GALNT17: variants seen among roughly 807,000 people sequenced by gnomAD.
The protein encoded by GALNT17 is polypeptide N-acetylgalactosaminyltransferase 17.
A neutral mutation model predicts 63.7 loss-of-function variants in GALNT17; 29 were observed. The ratio of observed to expected loss-of-function variants is 0.46; its 90% confidence interval spans 0.34 to 0.62. GALNT17 has a LOEUF of 0.62. GALNT17 is among the 20% of genes least tolerant of loss of function. GALNT17 has a pLI of 0.01. For missense variants in GALNT17, 603 were observed against 799.6 expected (o/e 0.75, Z 2.97); for synonymous variants, 305 against 318.3 (o/e 0.96, Z 0.45).
intron 6 of GALNT17, among the ~76,000 whole-genome samples, chr7:71,604,174 A>G (rs1312931483): frequency 1.3e-5 from 2 of 152,126 alleles, no homozygotes; most frequent in South Asian, 2.1e-4. Flanking sequence ...TGCTAAGCGC[A>G]TATACCAGAT....
intron 1 of GALNT17, among the ~76,000 whole-genome samples, chr7:71,142,012 CTGTGTGTGTGTG>C (rs201770661): frequency 1.6e-3 from 199 of 124,888 alleles, no homozygotes; most frequent in African/African-American, 6.2e-3. Flanking sequence ...CCACATTTGG[CTGTGTGTGTGTG>C]TGTGTGTGTG....
At chr7:71,419,586 C>T (rs146056378) in intron 4 of GALNT17, among the ~76,000 whole-genome samples, 1,974 of 152,294 alleles carry the variant, frequency 0.013, 45 homozygotes, top group African/African-American at 0.044. Context: ...AGAGGAAGAA[C>T]TCCCACGGGA....
intron 5 of GALNT17, among the ~76,000 whole-genome samples, chr7:71,559,439 CT>C (rs1443112030): frequency 6.6e-6 from 1 of 152,150 alleles, no homozygotes; most frequent in Non-Finnish European, 1.5e-5. Flanking sequence ...CAGAGGCCCC[CT>C]GGGTTGCCCT....
At position 71,136,062 on chromosome 7, in the gene GALNT17, T is replaced by C. The variant is rs888693648; in HGVS notation, c.238+3022T>C. Among the ~76,000 whole-genome samples the C allele has an allele frequency of 1.3e-4, 20 of 152,114 alleles. 1 individual carries two copies. The highest frequency in any genetic ancestry group is 4.8e-4 in the African/African-American group (20 of 41,426). ...AAGAGCAGGGAAAAATTGTGAAATA[T>C]AGGGGGCTCTTCCTCTCTCTCCACC... On this transcript the variant is annotated intron_variant, in intron 1 of 10. Transcript: ENST00000333538.
intron 1 of GALNT17, among the ~76,000 whole-genome samples, chr7:71,213,857 T>G (rs781581808): frequency 3.3e-5 from 5 of 152,198 alleles, no homozygotes; most frequent in Non-Finnish European, 5.9e-5. Context: ...CCTTATTGAT[T>G]ACATTCTTCT....
intron 2 of GALNT17, among the ~76,000 whole-genome samples, chr7:71,365,221 C>T (rs186593106): frequency 6.6e-6 from 1 of 152,154 alleles, no homozygotes; most frequent in African/African-American, 2.4e-5. Flanking sequence ...GCATAAGCCA[C>T]CACATCCGGT....
chr7:71,507,903 G>A (rs928944116), intron 5 of GALNT17, among the ~76,000 whole-genome samples: 3 of 152,170 alleles, frequency 2.0e-5, no homozygotes, highest in African/African-American at 4.8e-5. Flanking sequence ...GCTTTGTTAA[G>A]CTTGTGTGAC....
At chr7:71,647,229 A>AT (rs5884850) in intron 6 of GALNT17, among the ~76,000 whole-genome samples, 72,238 of 137,378 alleles carry the variant, frequency 0.53, 19,596 homozygotes, top group East Asian at 0.83. Context: ...GTGCCCAGCT[A>AT]TTTTTTTTTT....
At chr7:71,437,974 A>G (rs368774941) in intron 5 of GALNT17, among the ~76,000 whole-genome samples, 2 of 152,234 alleles carry the variant, frequency 1.3e-5, no homozygotes, top group African/African-American at 2.4e-5. Context: ...TGGCCTCCCA[A>G]AGTGCTGGGA....
chr7:71,408,699 C>T (rs763727889), intron 3 of GALNT17, among the ~76,000 whole-genome samples: 4 of 151,914 alleles, frequency 2.6e-5, no homozygotes, highest in Non-Finnish European at 4.4e-5. Flanking sequence ...CATAGCGAGA[C>T]CTCATCTATA....
chr7:71,616,951 T>TTCTTATAAGAATCATATAAAGAATAAA (rs1790219368), intron 6 of GALNT17, among the ~76,000 whole-genome samples: 1 of 7,822 alleles, frequency 1.3e-4, no homozygotes, highest in African/African-American at 2.3e-4. Context: ...TGGTTAATAA[T>TTCTTATAAGAATCATATAAAGAATAAA]TAACTAATTT....
chr7:71,363,468 G>T (rs1203856615), intron 2 of GALNT17, among the ~76,000 whole-genome samples: 1 of 152,156 alleles, frequency 6.6e-6, no homozygotes, highest in Non-Finnish European at 1.5e-5. Flanking sequence ...AATGCCAGCC[G>T]CCAGTTTGGC....
chr7:71,677,655 C>T (rs2117067902), intron 9 of GALNT17, among the ~76,000 whole-genome samples: 1 of 152,058 alleles, frequency 6.6e-6, no homozygotes, highest in South Asian at 2.1e-4. Flanking sequence ...GCTGGGACTA[C>T]ATGCGCCCGC....
chr7:71,156,231 C>T (rs953816026), intron 1 of GALNT17, among the ~76,000 whole-genome samples: 1 of 151,530 alleles, frequency 6.6e-6, no homozygotes, highest in Non-Finnish European at 1.5e-5. Flanking sequence ...AACTTGGACA[C>T]ACATCGTGCC....
At chr7:71,557,564 A>G (rs1789185107) in intron 5 of GALNT17, among the ~76,000 whole-genome samples, 1 of 152,118 alleles carries the variant, frequency 6.6e-6, no homozygotes, top group Non-Finnish European at 1.5e-5. Context: ...AGGCTGAGGT[A>G]GGTGGATCAC....
chr7:71,411,146 A>T (rs980023217), intron 3 of GALNT17, among the ~76,000 whole-genome samples: 2 of 151,432 alleles, frequency 1.3e-5, no homozygotes, highest in Non-Finnish European at 2.9e-5. Flanking sequence ...TTTTTGAGAG[A>T]GTCTCGCTCT....
Position 71,319,094 on chromosome 7 carries a change from T to TTTTCTTTCTTTCTTTCTTTC in GALNT17, c.239-16455_239-16454insTTCTTTCTTTCTTTCTTTCT, listed in dbSNP as rs372024382. Among the ~76,000 whole-genome samples, 57 of 49,238 alleles carry TTTTCTTTCTTTCTTTCTTTC rather than the reference T, an allele frequency of 1.2e-3. 2 individuals carry two copies. Among genetic ancestry groups the TTTTCTTTCTTTCTTTCTTTC allele is most frequent in the African/African-American group, 2.2e-3 (43 of 19,622 alleles). The allele number at this position is 49,238 out of a possible 152,430, so 32.3% of individuals were successfully genotyped here. A position where few individuals can be genotyped will look rare whatever the true frequency, so the allele number is the denominator to read the frequency against. Reference sequence around the variant, plus strand: ...CCTCAGCTTGCTGAGCTATTTTTGTTTATCTTTCTTTCTTTCTTTCTTTCT... The same window carrying TTTTCTTTCTTTCTTTCTTTC: ...CCTCAGCTTGCTGAGCTATTTTTGTTTTTCTTTCTTTCTTTCTTTCTATCTTTCTTTCTTTCTTTCTTTCT... On this transcript the variant is annotated intron_variant, in intron 1 of 10. Coordinates refer to ENST00000333538, the MANE Select transcript of GALNT17 (RefSeq NM_022479.3).
chr7:71,180,029 T>TA (rs983696424), intron 1 of GALNT17, among the ~76,000 whole-genome samples: 18 of 152,240 alleles, frequency 1.2e-4, no homozygotes, highest in Non-Finnish European at 2.6e-4. Context: ...ATAATTGATA[T>TA]AAAAAACTGT....
rs574160114 is a variant in GALNT17, at chr7:71,695,115, A to C, written c.1501-15646A>C. 7.2e-5 allele frequency among the ~76,000 whole-genome samples: 11 copies of C among 152,314 alleles called. No homozygotes were observed. The East Asian group carries it at 1.9e-3, about 27-fold the overall frequency. On this transcript the variant is annotated intron_variant, in intron 9 of 10. Transcript: ENST00000333538. ...CTTAGGAATATTCTCCTGATTCCCT[A>C]GAAGTCGGAGTGGACTACGCATTCC... is the stretch of plus-strand genomic sequence containing the variant.
Sources: allele counts gnomAD v4.1 joint callset (sites outside exome capture counted in the v4.1 genomes callset), GRCh38; gene constraint gnomAD v4.1.1; transcripts MANE v1.5; gene names NCBI Gene and HGNC (gene_info 2026-07-23, HGNC 2026-07-21).